The following KCNB2 variants were observed in gnomAD, a reference collection of about 807,000 sequenced individuals.
The protein encoded by KCNB2 is delayed rectifier potassium channel protein.
Under a neutral mutation model 61.5 loss-of-function variants are expected in KCNB2, and 15 were observed. That is an observed-to-expected ratio of 0.24 (90% confidence interval 0.16 to 0.38). The LOEUF (loss-of-function observed/expected upper bound fraction) is 0.38, where lower values mean the gene tolerates loss of function less well. Among genes scored for constraint, KCNB2 ranks in the 10% least tolerant of loss-of-function variants. The probability of loss-of-function intolerance (pLI) is 1.00; values close to 1 mark genes in which losing one functional copy is unlikely to be tolerated. For missense variants in KCNB2, 828 were observed against 1,125.2 expected (o/e 0.74, Z 3.78); for synonymous variants, 457 against 446.0 (o/e 1.02, Z -0.31).
At chr8:72,739,621 A>T (rs1387958534) in intron 2 of KCNB2, among the ~76,000 whole-genome samples, 1 of 151,918 alleles carries the variant, frequency 6.6e-6, no homozygotes, top group African/African-American at 2.4e-5. Flanking sequence ...AAAATTACAT[A>T]TGGTTTGGTA....
chr8:72,887,686 T>G (rs1410677291), intron 2 of KCNB2, among the ~76,000 whole-genome samples: 1 of 152,200 alleles, frequency 6.6e-6, no homozygotes, highest in African/African-American at 2.4e-5. Context: ...CTTTCCTAAG[T>G]GCTTTATTTC....
rs1270088782 is a variant in KCNB2 at position 72,937,072 on chromosome 8, G to A, written c.1717G>A (p.Glu573Lys). 1 of 1,614,046 alleles carries A rather than the reference G, an allele frequency of 6.2e-7. No individual in the cohort carries two copies. Among genetic ancestry groups the A allele is most frequent in the Admixed American group, 1.7e-5 (1 of 60,008 alleles). Reference protein sequence around the residue: ...KPERPSAYEEEIEMEEVVCPQ... With the variant: ...KPERPSAYEEKIEMEEVVCPQ... ...TGAGAGGCCATCTGCATATGAAGAAGAGATTGAAATGGAAGAAGTGGTGTG... is the reference window on the plus strand; with the variant it reads ...TGAGAGGCCATCTGCATATGAAGAAAAGATTGAAATGGAAGAAGTGGTGTG... The change falls in exon 3 of 3, where the codon GAG becomes AAG. Residue 573 changes from glutamate to lysine, a missense_variant. Around this residue, in one of 4 missense-constraint regions of KCNB2, gnomAD observed 559 missense variants for 588.4 expected, o/e 0.95. Transcript: ENST00000523207.
chr8:72,804,429 A>G (rs1396628059), intron 2 of KCNB2, among the ~76,000 whole-genome samples: 1 of 152,222 alleles, frequency 6.6e-6, no homozygotes, highest in Non-Finnish European at 1.5e-5. Context: ...ATTTGGAAAT[A>G]GGATCACAAT....
chr8:72,673,955 G>T (rs533121683), intron 2 of KCNB2, among the ~76,000 whole-genome samples: 139 of 152,190 alleles, frequency 9.1e-4, no homozygotes, highest in Non-Finnish European at 1.5e-3. Flanking sequence ...TTTATGTTAG[G>T]TATATTTTAC....
intron 2 of KCNB2, among the ~76,000 whole-genome samples, chr8:72,808,555 A>G (rs183545625): frequency 4.6e-4 from 70 of 152,340 alleles, no homozygotes; most frequent in Admixed American, 1.5e-3. Flanking sequence ...GTGATCTAGA[A>G]TCCATATCCT....
At chr8:72,688,424 T>C (rs1486225283) in intron 2 of KCNB2, among the ~76,000 whole-genome samples, 2 of 152,106 alleles carry the variant, frequency 1.3e-5, no homozygotes, top group Non-Finnish European at 2.9e-5. Context: ...ATCATCTAGC[T>C]AATTCCTGCT....
chr8:72,679,954 G>A (rs1806724807), intron 2 of KCNB2, among the ~76,000 whole-genome samples: 1 of 152,200 alleles, frequency 6.6e-6, no homozygotes, highest in Non-Finnish European at 1.5e-5. Flanking sequence ...GCATCACTGT[G>A]TAATGGGTCC....
intron 2 of KCNB2, among the ~76,000 whole-genome samples, chr8:72,767,753 C>T (rs1471897566): frequency 6.6e-6 from 1 of 152,236 alleles, no homozygotes; most frequent in Admixed American, 6.5e-5. Flanking sequence ...TACTAGGTCA[C>T]ATGGCAACCC....
At chr8:72,812,123 A>G (rs1809317173) in intron 2 of KCNB2, among the ~76,000 whole-genome samples, 1 of 152,120 alleles carries the variant, frequency 6.6e-6, no homozygotes, top group Admixed American at 6.6e-5. Context: ...TTAGCTGGGC[A>G]TAGCAGCTCG....
chr8:72,577,955 T>C (rs1310434031), intron 2 of KCNB2, among the ~76,000 whole-genome samples: 1 of 152,240 alleles, frequency 6.6e-6, no homozygotes, highest in Admixed American at 6.5e-5. Context: ...CTTAACCAAA[T>C]GGATTCTTCA....
chr8:72,781,307 T>G (rs552250397), intron 2 of KCNB2, among the ~76,000 whole-genome samples: 1 of 152,258 alleles, frequency 6.6e-6, no homozygotes, highest in South Asian at 2.1e-4. Flanking sequence ...ATGTCCTGAA[T>G]GTATTGCCTA....
chr8:72,691,454 G>A (rs1279406232), intron 2 of KCNB2, among the ~76,000 whole-genome samples: 1 of 152,188 alleles, frequency 6.6e-6, no homozygotes, highest in Non-Finnish European at 1.5e-5. Flanking sequence ...GAAGGTCTAA[G>A]TCTTATAACT....
chr8:72,564,178 A>G (rs575792353), intron 1 of KCNB2, among the ~76,000 whole-genome samples: 1 of 152,322 alleles, frequency 6.6e-6, no homozygotes, highest in Non-Finnish European at 1.5e-5. Flanking sequence ...ACTATACACA[A>G]TGCACATGAA....
chr8:72,587,055 T>G (rs1462113028), intron 2 of KCNB2, among the ~76,000 whole-genome samples: 1 of 152,216 alleles, frequency 6.6e-6, no homozygotes, highest in Non-Finnish European at 1.5e-5. Flanking sequence ...TATACTACAG[T>G]GTATTACTGT....
intron 2 of KCNB2, among the ~76,000 whole-genome samples, chr8:72,739,932 C>T (rs1040078109): frequency 3.9e-5 from 6 of 152,068 alleles, no homozygotes; most frequent in African/African-American, 1.4e-4. Flanking sequence ...ACAAAACAGA[C>T]ATTTAGTGAA....
At chr8:72,551,738 A>C (rs1806347451) in intron 1 of KCNB2, among the ~76,000 whole-genome samples, 1 of 152,124 alleles carries the variant, frequency 6.6e-6, no homozygotes, top group African/African-American at 2.4e-5. Context: ...GCATTTACTC[A>C]TTTAATATCA....
At chr8:72,925,015 G>T (rs1806610820) in intron 2 of KCNB2, among the ~76,000 whole-genome samples, 1 of 152,140 alleles carries the variant, frequency 6.6e-6, no homozygotes, top group South Asian at 2.1e-4. Flanking sequence ...CTATTTTCTG[G>T]CATTGTGTAA....
intron 2 of KCNB2, among the ~76,000 whole-genome samples, chr8:72,779,562 G>A (rs2128997795): frequency 6.6e-6 from 1 of 152,130 alleles, no homozygotes; most frequent in Non-Finnish European, 1.5e-5. Context: ...ATCTGACATG[G>A]TTCTTCAATT....
At chr8:72,610,239 C>T (rs1805516674) in intron 2 of KCNB2, among the ~76,000 whole-genome samples, 1 of 152,094 alleles carries the variant, frequency 6.6e-6, no homozygotes, top group African/African-American at 2.4e-5. Flanking sequence ...GAAATATAAT[C>T]CCCTCAGCAT....
Sources: gnomAD v4.1 joint callset for allele counts (sites outside exome capture counted in the v4.1 genomes callset) on GRCh38, gnomAD v4.1.1 for gene constraint, gnomAD v4.1.1 regional missense constraint, MANE v1.5 for transcripts, NCBI Gene and HGNC (gene_info 2026-07-23, HGNC 2026-07-21) for gene names.